The following SPP2 variants were observed in gnomAD, a reference collection of about 807,000 sequenced individuals.
SPP2 encodes secreted phosphoprotein 2.
SPP2 carries 34 observed loss-of-function variants against 28.8 expected under a neutral mutation model. The observed-to-expected ratio is 1.18, with a 90% CI of 0.90 to 1.57. The LOEUF is 1.57. Among genes scored for constraint, SPP2 ranks in the 40% most tolerant of loss-of-function variants. SPP2 has a pLI of 0.00. For synonymous variants in SPP2, 96 were observed against 89.4 expected (o/e 1.07, Z -0.42); for missense variants, 269 against 263.9 (o/e 1.02, Z -0.13).
At chr2:234,056,143 GGAGAAAATTT>G (rs1343097520) in intron 2 of SPP2, 1 of 151,876 alleles carries the variant, frequency 6.6e-6, no homozygotes, top group Non-Finnish European at 1.5e-5. Flanking sequence ...CTACAGAATG[GGAGAAAATTT>G]TTGCAATCTA....
At chr2:234,060,843 C>G (rs897157542) in intron 4 of SPP2, among the ~76,000 whole-genome samples, 2 of 152,030 alleles carry the variant, frequency 1.3e-5, no homozygotes, top group African/African-American at 4.8e-5. Context: ...ATTAACAAAC[C>G]TTTAAAGTTT....
intron 2 of SPP2, 105 bp downstream of exon 2, chr2:234,051,200 T>C (rs1693490058): frequency 3.6e-6 from 5 of 1,393,204 alleles, no homozygotes; most frequent in Non-Finnish European, 3.9e-6. Context: ...TTAAAAATGA[T>C]AGTAGCTAGT....
intron 7 of SPP2, among the ~76,000 whole-genome samples, chr2:234,073,242 C>T (rs1003550863): frequency 5.9e-5 from 9 of 152,148 alleles, no homozygotes; most frequent in African/African-American, 2.2e-4. Context: ...AGTTTTACAA[C>T]ATGTAAAAAT....
intron 4 of SPP2, among the ~76,000 whole-genome samples, chr2:234,064,089 C>T (rs960190685): frequency 1.3e-5 from 2 of 151,822 alleles, no homozygotes; most frequent in Non-Finnish European, 2.9e-5. Context: ...ACATTCTTCT[C>T]CTTCCCCTTC....
chr2:234,056,480 T>G (rs1693609634), intron 2 of SPP2, among the ~76,000 whole-genome samples: 1 of 152,176 alleles, frequency 6.6e-6, no homozygotes, highest in African/African-American at 2.4e-5. Flanking sequence ...TGTTAGATGT[T>G]TCTCCCTATT....
intron 4 of SPP2, 134 bp from the exon 5 acceptor site, chr2:234,066,399 C>G (rs888084661): frequency 1.4e-6 from 1 of 710,228 alleles, no homozygotes; most frequent in African/African-American, 1.8e-5. Flanking sequence ...TTTAATATAA[C>G]GTATTGCCTA....
chr2:234,064,109 C>G (rs1004976355), intron 4 of SPP2, among the ~76,000 whole-genome samples: 1 of 151,680 alleles, frequency 6.6e-6, no homozygotes, highest in African/African-American at 2.4e-5. Context: ...CTCTCCTGGC[C>G]TCCCCTCCCC....
In SPP2 at chr2:234,051,038, G is replaced by T; in HGVS notation, c.153G>T (p.Val51=). Residue 51 remains valine, a synonymous_variant, in exon 2 of 8, where the codon GTG becomes GTT. Transcript: ENST00000168148. ...RDALSASVVK[V]NSQSLSPYLF... is the part of the protein sequence containing the mutation. ...CCCTCAGTGCCTCTGTGGTAAAAGT[G>T]AATTCCCAGTCACTGAGTCCGTATC... 6.2e-7 allele frequency: 1 copy of T among 1,613,980 alleles called. No individual in the cohort carries two copies. The highest frequency in any genetic ancestry group is 1.1e-5 in the South Asian group (1 of 91,074).
At chr2:234,054,738 A>T (rs1693571861) in intron 2 of SPP2, among the ~76,000 whole-genome samples, 1 of 152,154 alleles carries the variant, frequency 6.6e-6, no homozygotes, top group Non-Finnish European at 1.5e-5. Flanking sequence ...AGGGGGACAA[A>T]CAGTCCATTG....
Position 234,050,754 on chromosome 2 carries a change from T to A in SPP2, c.-33T>A. On this transcript the variant is annotated 5_prime_UTR_variant, in exon 1 of 8. Transcript: ENST00000168148. ...GGAAGAACTGTCATCCCCAAACACA[T>A]AGAGAGACACTCTCTGTCTCTCGAT... The A allele has an allele frequency of 6.3e-7, 1 of 1,597,974 alleles. No homozygotes were observed. The highest frequency in any genetic ancestry group is 1.1e-5 in the South Asian group (1 of 90,538).
At chr2:234,060,764 C>CACACAT (rs1693706008) in intron 4 of SPP2, among the ~76,000 whole-genome samples, 2 of 147,032 alleles carry the variant, frequency 1.4e-5, no homozygotes, top group African/African-American at 4.9e-5. Flanking sequence ...CACACACATG[C>CACACAT]ACACACGCAC....
intron 2 of SPP2, among the ~76,000 whole-genome samples, chr2:234,052,431 G>T (rs1253911942): frequency 1.3e-5 from 2 of 152,172 alleles, no homozygotes; most frequent in Non-Finnish European, 2.9e-5. Context: ...AAGAAAGTTA[G>T]CAGTTTATTA....
chr2:234,066,887 A>G (rs1693833019), intron 5 of SPP2, among the ~76,000 whole-genome samples: 1 of 152,170 alleles, frequency 6.6e-6, no homozygotes, highest in South Asian at 2.1e-4. Context: ...TTTCCCCTTA[A>G]GAATGTCTAG....
intron 4 of SPP2, among the ~76,000 whole-genome samples, chr2:234,065,150 A>G (rs1484925717): frequency 6.6e-6 from 1 of 152,208 alleles, no homozygotes; most frequent in Non-Finnish European, 1.5e-5. Context: ...TTTCCATAGC[A>G]GCTGTACCAT....
chr2:234,070,076 G>C lies in SPP2; in HGVS notation c.*10+53G>C. The C allele has an allele frequency of 2.1e-6, 3 of 1,450,754 alleles. No individual in the cohort carries two copies. In the East Asian group the frequency reaches 6.9e-5, roughly 33 times the overall value. 89.9% of individuals were successfully genotyped at this position (1,450,754 alleles called of 1,614,324 possible). ...TATTTAGAAATAGAAGCTACGTGGA[G>C]TGAACGCCTTAAAACTGCTGACCTT... On this transcript the variant is annotated intron_variant, in intron 7 of 7. Transcript: ENST00000168148.
chr2:234,069,613 A>C (rs1693893695), intron 6 of SPP2, among the ~76,000 whole-genome samples: 1 of 152,210 alleles, frequency 6.6e-6, no homozygotes, highest in South Asian at 2.1e-4. Context: ...AACACTGGGT[A>C]GATCCCTTGG....
chr2:234,065,257 G>A (rs1160625572), intron 4 of SPP2, among the ~76,000 whole-genome samples: 2 of 152,008 alleles, frequency 1.3e-5, no homozygotes, highest in Non-Finnish European at 2.9e-5. Flanking sequence ...CCATTCTAGT[G>A]AGTGTGACGT....
At chr2:234,067,138 G>T in intron 5 of SPP2, 86 bp from the exon 6 acceptor site, 1 of 1,235,940 alleles carries the variant, frequency 8.1e-7, no homozygotes, top group Non-Finnish European at 1.2e-6. Flanking sequence ...TGCTTAAGAA[G>T]CATATTTGTG....
intron 4 of SPP2, among the ~76,000 whole-genome samples, chr2:234,061,953 A>G (rs1194263067): frequency 6.6e-6 from 1 of 152,144 alleles, no homozygotes; most frequent in Non-Finnish European, 1.5e-5. Context: ...CCTTTCTTAG[A>G]CCCTATTGAA....
Sources: allele counts gnomAD v4.1 joint callset (sites outside exome capture counted in the v4.1 genomes callset), GRCh38; gene constraint gnomAD v4.1.1; transcripts MANE v1.5; gene names NCBI Gene and HGNC (gene_info 2026-07-23, HGNC 2026-07-21).